The following TMEM181 variants were observed in gnomAD, a reference collection of about 807,000 sequenced individuals.
TMEM181 encodes the protein transmembrane protein 181.
A neutral mutation model predicts 71.9 loss-of-function variants in TMEM181; 39 were observed. That is an observed-to-expected ratio of 0.54 (90% CI 0.42 to 0.71). The LOEUF is 0.71. Among genes scored for constraint, TMEM181 ranks in the 30% least tolerant of loss-of-function variants. The probability of loss-of-function intolerance (pLI) is 0.00; values close to 1 mark genes in which losing one functional copy is unlikely to be tolerated. For synonymous variants in TMEM181, 245 were observed against 228.8 expected, an observed-to-expected ratio of 1.07 and a Z score of -0.64; for missense variants, 595 against 583.0, an observed-to-expected ratio of 1.02 and a Z score of -0.21.
In TMEM181 at chr6:158,623,577, C is replaced by G; in HGVS notation, c.924C>G (p.Tyr308Ter). The G allele has an allele frequency of 6.3e-7, 1 of 1,582,786 alleles. No homozygotes were observed. The highest frequency in any genetic ancestry group is 8.6e-7 in the Non-Finnish European group (1 of 1,161,770). Residue 308 changes from tyrosine to a stop codon, truncating the protein, a stop_gained, in exon 11 of 17, where the codon TAC (tyrosine) becomes TAG (stop). Coordinates refer to ENST00000684151, the MANE Select transcript of TMEM181 (RefSeq NM_001376852.1). LOFTEE classifies it high-confidence loss of function. ...QTVNELHDPM[Y>*]QYRVDTGNFQ... is the part of the protein sequence containing the mutation. ...TTAACGAATTACATGATCCAATGTA[C>G]CAGTATCGAGTTGATACCGGAAATT... is the stretch of plus-strand genomic sequence containing the variant.
At chr6:158,565,304 AG>A (rs1782425382) in intron 1 of TMEM181, among the ~76,000 whole-genome samples, 1 of 152,004 alleles carries the variant, frequency 6.6e-6, no homozygotes, top group Non-Finnish European at 1.5e-5. Context: ...CCTATGTGGG[AG>A]GGGTAGGCAC....
intron 1 of TMEM181, among the ~76,000 whole-genome samples, chr6:158,539,865 A>C (rs1781273463): frequency 1.3e-5 from 2 of 152,172 alleles, no homozygotes; most frequent in African/African-American, 4.8e-5. Flanking sequence ...ATTGCATTTC[A>C]CTGGACAATC....
intron 6 of TMEM181, among the ~76,000 whole-genome samples, chr6:158,597,537 GTCAC>G (rs1352806070): frequency 1.3e-5 from 2 of 151,768 alleles, no homozygotes; most frequent in Admixed American, 1.3e-4. Flanking sequence ...GTTTTGCTCT[GTCAC>G]TCAATCTAGA....
At chr6:158,605,372 C>T (rs549700671) in intron 7 of TMEM181, 25 bp downstream of exon 7, 14 of 1,605,200 alleles carry the variant, frequency 8.7e-6, no homozygotes, top group South Asian at 2.2e-5. Flanking sequence ...CCTGATGGAC[C>T]GCAGCAGATC....
intron 6 of TMEM181, among the ~76,000 whole-genome samples, chr6:158,597,408 T>C (rs947497384): frequency 6.6e-6 from 1 of 152,204 alleles, no homozygotes; most frequent in African/African-American, 2.4e-5. Flanking sequence ...GGCTGTTCTC[T>C]GCCTTCCAGG....
chr6:158,625,261 G>T, intron 12 of TMEM181, 55 bp downstream of exon 12: 1 of 1,486,548 alleles, frequency 6.7e-7, no homozygotes, highest in East Asian at 2.3e-5. Flanking sequence ...ACTCAGGTGG[G>T]GGAAGAAGTG....
chr6:158,628,027 C>T lies in TMEM181; in HGVS notation c.1110-381C>T, dbSNP rs146898411. On this transcript the variant is annotated intron_variant, in intron 13 of 16. Transcript: ENST00000684151. ...TGACGAAGGAGAAGCAGGCTTCCCT[C>T]GGGAGAGGGGCTCTGTCACAGGAGA... Among the ~76,000 whole-genome samples the T allele has an allele frequency of 8.8e-3, 1,333 of 152,214 alleles. 23 individuals are homozygous for T. Among genetic ancestry groups the T allele is most frequent in the African/African-American group, 0.03 (1,237 of 41,518 alleles).
At position 158,575,072 on chromosome 6, in the gene TMEM181, C is replaced by T. The variant is rs143949104; in HGVS notation, c.112+1549C>T. Among the ~76,000 whole-genome samples, 15 of 152,330 alleles carry T rather than the reference C, an allele frequency of 9.8e-5. 1 individual carries two copies. The highest frequency in any genetic ancestry group is 9.2e-4 in the Admixed American group (14 of 15,298). ...GTCCACCCACATTGGAGAGAGCAAT[C>T]TGCTTGACTCAGTCTACCGATTCAC... On this transcript the variant is annotated intron_variant, in intron 2 of 16. Transcript: ENST00000684151.
At chr6:158,624,132 C>A (rs67316427) in intron 11 of TMEM181, among the ~76,000 whole-genome samples, 1 of 152,096 alleles carries the variant, frequency 6.6e-6, no homozygotes, top group Non-Finnish European at 1.5e-5. Flanking sequence ...GAGGCCCTGT[C>A]ACTGTGGTTC....
In TMEM181 at chr6:158,608,337, G is replaced by A. The variant is rs749693947; in HGVS notation, c.678G>A (p.Pro226=). ...LLPLLLLYND[P]FFPLSFLVNS... is the part of the protein sequence containing the mutation. Reference sequence around the variant, plus strand: ...TTTCTGCCCTTTGTGTTCCAGATCCGTTCTTCCCCCTCTCCTTCCTGGTCA... The same window carrying A: ...TTTCTGCCCTTTGTGTTCCAGATCCATTCTTCCCCCTCTCCTTCCTGGTCA... Residue 226 remains proline (P), a synonymous_variant, in exon 9 of 17, where the codon CCG becomes CCA. Coordinates refer to ENST00000684151, the MANE Select transcript of TMEM181 (RefSeq NM_001376852.1). The A allele has an allele frequency of 2.7e-5, 44 of 1,614,102 alleles. No individual in the cohort carries two copies. Among genetic ancestry groups the A allele is most frequent in the East Asian group, 1.6e-4 (7 of 44,896 alleles).
chr6:158,630,101 A>G (rs890172801), intron 15 of TMEM181, among the ~76,000 whole-genome samples: 17 of 152,222 alleles, frequency 1.1e-4, no homozygotes, highest in African/African-American at 2.9e-4. Context: ...TGACTTTACA[A>G]TGATGCAAAA....
chr6:158,543,184 GT>G (rs1356107914), intron 1 of TMEM181, among the ~76,000 whole-genome samples: 1 of 152,060 alleles, frequency 6.6e-6, no homozygotes, highest in Admixed American at 6.6e-5. Context: ...CTCAGAGTAT[GT>G]TTATTTAAGC....
chr6:158,584,163 C>T (rs1582985622), intron 4 of TMEM181, 119 bp downstream of exon 4: 2 of 785,132 alleles, frequency 2.5e-6, no homozygotes, highest in East Asian at 5.7e-5. Flanking sequence ...TAAGGATGTC[C>T]ATTATTATTT....
At chr6:158,591,862 A>G (rs1203181189) in intron 6 of TMEM181, among the ~76,000 whole-genome samples, 2 of 151,888 alleles carry the variant, frequency 1.3e-5, no homozygotes, top group Admixed American at 6.6e-5. Context: ...TTTTGTATCT[A>G]TGTTTCCTCT....
At chr6:158,548,889 G>T (rs945945217) in intron 1 of TMEM181, among the ~76,000 whole-genome samples, 5 of 152,228 alleles carry the variant, frequency 3.3e-5, no homozygotes, top group Non-Finnish European at 5.9e-5. Context: ...ACCACCCAAG[G>T]CAGAGAAGGT....
At chr6:158,579,844 C>CACTT (rs1783376924) in intron 2 of TMEM181, among the ~76,000 whole-genome samples, 1 of 152,078 alleles carries the variant, frequency 6.6e-6, no homozygotes, top group African/African-American at 2.4e-5. Context: ...CTATAAGATT[C>CACTT]ACTTATATGG....
chr6:158,581,065 T>C, intron 3 of TMEM181, 70 bp downstream of exon 3: 1 of 1,470,850 alleles, frequency 6.8e-7, no homozygotes, highest in Non-Finnish European at 9.5e-7. Flanking sequence ...GAGAAATGGT[T>C]CCGCTTAGAG....
chr6:158,566,998 G>A (rs1782545949), intron 1 of TMEM181, among the ~76,000 whole-genome samples: 1 of 152,206 alleles, frequency 6.6e-6, no homozygotes, highest in African/African-American at 2.4e-5. Flanking sequence ...ATATTTTAAA[G>A]CACCTGTGAA....
intron 1 of TMEM181, among the ~76,000 whole-genome samples, chr6:158,572,806 T>G (rs1288005201): frequency 6.6e-6 from 1 of 151,996 alleles, no homozygotes; most frequent in Admixed American, 6.6e-5. Context: ...AGCGTCCGTG[T>G]TGGGTGGCAC....
Sources: gnomAD v4.1 joint callset for allele counts (sites outside exome capture counted in the v4.1 genomes callset) on GRCh38, gnomAD v4.1.1 for gene constraint, MANE v1.5 for transcripts, NCBI Gene and HGNC (gene_info 2026-07-23, HGNC 2026-07-21) for gene names.